Variants in TTC22 observed in about 807,000 individuals in gnomAD.
The protein encoded by TTC22 is tetratricopeptide repeat domain 22, also known as tetratricopeptide repeat protein 22.
Under a neutral mutation model 48.2 loss-of-function variants are expected in TTC22, and 42 were observed. The observed-to-expected ratio is 0.87, with a 90% CI of 0.68 to 1.13. The LOEUF (loss-of-function observed/expected upper bound fraction) is 1.13. Among genes scored for constraint, TTC22 ranks in the 50% most tolerant of loss-of-function variants. The pLI, the probability that TTC22 is intolerant of heterozygous loss-of-function variation, is 0.00. For synonymous variants in TTC22, 345 were observed against 365.5 expected (o/e 0.94, Z 0.64); for missense variants, 784 against 807.0 (o/e 0.97, Z 0.34).
At chr1:54,800,492 T>G in intron 1 of TTC22, 105 bp downstream of exon 1, 1 of 1,052,514 alleles carries the variant, frequency 9.5e-7, no homozygotes, top group Non-Finnish European at 1.3e-6. Context: ...CAAAAGACCA[T>G]GGTTGAGAGA....
rs918173235 is a variant in TTC22 at position 54,800,520 on chromosome 1, G to A, written c.567+77C>T. 6 of 1,243,614 alleles carry A rather than the reference G, an allele frequency of 4.8e-6. No homozygotes were observed. The African/African-American group carries it at 8.0e-5, about 17-fold the overall frequency. The allele number at this position is 1,243,614 out of a possible 1,614,324, so 77.0% of individuals were successfully genotyped here. The stretch of plus-strand genomic sequence containing the variant: ...TTGAGAGAGAGTCAGGGGTACCGGG[G>A]CATCTCTGCAGACAGAAGGGACCAT... On this transcript the variant is annotated intron_variant, in intron 1 of 6. Transcript: ENST00000371276.
chr1:54,788,009 C>G (rs899884841), intron 2 of TTC22, 33 bp downstream of exon 2: 6 of 1,607,698 alleles, frequency 3.7e-6, no homozygotes, highest in Non-Finnish European at 4.3e-6. Flanking sequence ...TCTCCCTCTT[C>G]CATCCCGTAC....
At chr1:54,792,819 C>T (rs893255718) in intron 1 of TTC22, 1 of 152,168 alleles carries the variant, frequency 6.6e-6, no homozygotes, top group Admixed American at 6.5e-5. Context: ...GGCAACCTGG[C>T]AAGCCATAGT....
At chr1:54,792,252 A>G (rs1464196901) in intron 1 of TTC22, among the ~76,000 whole-genome samples, 1 of 152,238 alleles carries the variant, frequency 6.6e-6, no homozygotes, top group Non-Finnish European at 1.5e-5. Context: ...GCTTGAGAGC[A>G]GCATTTGCAG....
At position 54,800,585 on chromosome 1, in the gene TTC22, G is replaced by A. The variant is rs780143359; in HGVS notation, c.567+12C>T. On this transcript the variant is annotated intron_variant, in intron 1 of 6. Transcript: ENST00000371276. ...CCTCCCAGAGGGAGGTAGGGAGACA[G>A]GGGTCACCTACCTGCTGCCCGTAGC... 22 of 1,490,888 alleles carry A rather than the reference G, an allele frequency of 1.5e-5. No individual in the cohort carries two copies. Among genetic ancestry groups the A allele is most frequent in the Non-Finnish European group, 1.9e-5 (21 of 1,133,012 alleles). 92.4% of individuals were successfully genotyped at this position (1,490,888 alleles called of 1,614,324 possible).
At chr1:54,788,600 T>A (rs994893491) in intron 1 of TTC22, among the ~76,000 whole-genome samples, 3 of 152,182 alleles carry the variant, frequency 2.0e-5, no homozygotes, top group African/African-American at 7.2e-5. Context: ...ATAAAATATT[T>A]ATGCTGTTAT....
chr1:54,781,194 C>T lies in TTC22; in HGVS notation c.*49G>A. 7.6e-7 allele frequency: 1 copy of T among 1,316,068 alleles called. No homozygotes were observed. The highest frequency in any genetic ancestry group is 9.8e-7 in the Non-Finnish European group (1 of 1,018,980). 81.5% of individuals were successfully genotyped at this position (1,316,068 alleles called of 1,614,324 possible). A position where few individuals can be genotyped will look rare whatever the true frequency, so the allele number is the denominator to read the frequency against. On this transcript the variant is annotated 3_prime_UTR_variant, in exon 7 of 7. Coordinates refer to ENST00000371276, the MANE Select transcript of TTC22 (RefSeq NM_001114108.2). ...TCCGGACCTGGTCCCATCAGCTGGG[C>T]GGGGCCTGGGCGGGGTCCCAGGGAG...
intron 1 of TTC22, among the ~76,000 whole-genome samples, chr1:54,797,629 C>CAAAGAAAG (rs903284437): frequency 6.6e-6 from 1 of 151,466 alleles, no homozygotes; most frequent in Non-Finnish European, 1.5e-5. Flanking sequence ...GACTCAGTCT[C>CAAAGAAAG]AAAGAAAGAA....
In TTC22 at chr1:54,780,157, A is replaced by G. The variant is rs1471378374; in HGVS notation, c.*1086T>C. 6.6e-6 allele frequency: 1 copy of G among 152,050 alleles called. No individual in the cohort carries two copies. The highest frequency in any genetic ancestry group is 1.5e-5 in the Non-Finnish European group (1 of 68,030). 9.4% of individuals were successfully genotyped at this position (152,050 alleles called of 1,614,324 possible). ...TACGACTATGATTCCAAGAGTGTAAAATTCCAAGATGTTCTTTAAAATTAG... is the reference window on the plus strand; with the variant it reads ...TACGACTATGATTCCAAGAGTGTAAGATTCCAAGATGTTCTTTAAAATTAG... On this transcript the variant is annotated 3_prime_UTR_variant, in exon 7 of 7. Coordinates refer to ENST00000371276, the MANE Select transcript of TTC22 (RefSeq NM_001114108.2).
intron 1 of TTC22, among the ~76,000 whole-genome samples, chr1:54,796,194 G>C (rs774654223): frequency 6.6e-6 from 1 of 152,242 alleles, no homozygotes; most frequent in Non-Finnish European, 1.5e-5. Flanking sequence ...GTCTGTGCGC[G>C]TGCGCACGTG....
chr1:54,791,333 G>A lies in TTC22; in HGVS notation c.568-3236C>T, dbSNP rs534748982. On this transcript the variant is annotated intron_variant, in intron 1 of 6. Coordinates refer to ENST00000371276, the MANE Select transcript of TTC22 (RefSeq NM_001114108.2). The stretch of plus-strand genomic sequence containing the variant: ...TGTAGTAGACTTGAGGGGTGGGAAA[G>A]CGAAGAGCTGAGGCTCGTGTGCCTG... Among the ~76,000 whole-genome samples the A allele has an allele frequency of 5.9e-5, 9 of 152,290 alleles. No homozygotes were observed. The South Asian group carries it at 1.9e-3, about 32-fold the overall frequency.
intron 1 of TTC22, among the ~76,000 whole-genome samples, chr1:54,795,451 T>G (rs1271879980): frequency 6.6e-6 from 1 of 152,216 alleles, no homozygotes; most frequent in Non-Finnish European, 1.5e-5. Flanking sequence ...GTGAGTCAGC[T>G]TTGCTCTGTG....
In TTC22 at chr1:54,787,038, C is replaced by T. The variant is rs1016639319; in HGVS notation, c.777G>A (p.Arg259=). 3.2e-6 allele frequency: 5 copies of T among 1,551,036 alleles called. No homozygotes were observed. In the Admixed American group the frequency reaches 5.9e-5, roughly 18 times the overall value. The part of the protein sequence containing the change: ...AWCYLGMLLE[R]KDTFSTTPMG... ...TGGGGGTGGTGGAGAAGGTGTCCTT[C>T]CGCTCCAGCAGCATCCCGAGGTAGC... Residue 259 remains arginine (R), a synonymous_variant, in exon 4 of 7, where the codon CGG becomes CGA. Transcript: ENST00000371276.
At chr1:54,790,830 C>A (rs1326305432) in intron 1 of TTC22, among the ~76,000 whole-genome samples, 1 of 151,726 alleles carries the variant, frequency 6.6e-6, no homozygotes, top group East Asian at 1.9e-4. Context: ...CTTCTTCTTC[C>A]TTCTTCTTCT....
chr1:54,784,924 T>G, intron 5 of TTC22: 2 of 538,834 alleles, frequency 3.7e-6, no homozygotes, highest in South Asian at 4.5e-5. Flanking sequence ...CAGAGCTGAA[T>G]GACTATGCAG....
At chr1:54,791,513 T>C (rs1646351688) in intron 1 of TTC22, among the ~76,000 whole-genome samples, 1 of 152,176 alleles carries the variant, frequency 6.6e-6, no homozygotes, top group Non-Finnish European at 1.5e-5. Flanking sequence ...TTTCCTGGTC[T>C]GGGTAGAGCT....
In TTC22 at chr1:54,782,187, C is replaced by T. The variant is rs986383185; in HGVS notation, c.1173+138G>A. ...GTACACACGTCTTATTCAGTCCTCA[C>T]CACGGCTGGAGGAGATGGGTACTGT... On this transcript the variant is annotated intron_variant, in intron 6 of 6. Transcript: ENST00000371276. 1.9e-5 allele frequency: 16 copies of T among 839,766 alleles called. No homozygotes were observed. In the African/African-American group the frequency reaches 2.6e-4, roughly 14 times the overall value. 52.0% of individuals were successfully genotyped at this position (839,766 alleles called of 1,614,324 possible).
At chr1:54,785,832 T>C in intron 5 of TTC22, 151 bp downstream of exon 5, 1 of 719,064 alleles carries the variant, frequency 1.4e-6, no homozygotes, top group Non-Finnish European at 2.2e-6. Flanking sequence ...AAAAACTTTA[T>C]AGAACCCAAC....
Position 54,784,856 on chromosome 1 carries a change from G to C in TTC22, c.1020+1127C>G, listed in dbSNP as rs1356446644. The C allele has an allele frequency of 2.3e-6, 3 of 1,277,368 alleles. No individual in the cohort carries two copies. In the Admixed American group the frequency reaches 7.7e-5, roughly 33 times the overall value. The allele number at this position is 1,277,368 out of a possible 1,614,324, so 79.1% of individuals were successfully genotyped here. ...GCTCTGTGTGGGCTCTAGGAGGCAG[G>C]TCTGGGACCAGTGCGGGAAGCTAGC... is the stretch of plus-strand genomic sequence containing the variant. On this transcript the variant is annotated intron_variant, in intron 5 of 6. Transcript: ENST00000371276.
Sources: gnomAD v4.1 joint callset for allele counts (sites outside exome capture counted in the v4.1 genomes callset) on GRCh38, gnomAD v4.1.1 for gene constraint, MANE v1.5 for transcripts, NCBI Gene and HGNC (gene_info 2026-07-23, HGNC 2026-07-21) for gene names.